CYP11A1: variants seen among roughly 807,000 people sequenced by gnomAD.
CYP11A1 encodes cytochrome P450 family 11 subfamily A member 1.
CYP11A1 carries 25 observed loss-of-function variants against 51.9 expected under a neutral mutation model. The ratio of observed to expected loss-of-function variants is 0.48; its 90% CI spans 0.35 to 0.67. The LOEUF is 0.67. CYP11A1 is among the 30% of genes least tolerant of loss of function. CYP11A1 has a pLI of 0.00. For missense variants in CYP11A1, 578 were observed against 680.9 expected, an observed-to-expected ratio of 0.85 and a Z score of 1.68; for synonymous variants, 245 against 262.1, an observed-to-expected ratio of 0.93 and a Z score of 0.63.
At chr15:74,342,146 G>A (rs1040782531) in intron 5 of CYP11A1, among the ~76,000 whole-genome samples, 11 of 152,062 alleles carry the variant, frequency 7.2e-5, no homozygotes, top group East Asian at 1.9e-4. Flanking sequence ...GCAGTGGTGC[G>A]ATCTCGGCTC....
intron 1 of CYP11A1, among the ~76,000 whole-genome samples, chr15:74,349,817 C>T (rs142793947): frequency 1.0e-3 from 157 of 152,208 alleles, no homozygotes; most frequent in African/African-American, 3.7e-3. Context: ...CAGTGGCTCA[C>T]ACCTGTAATC....
chr15:74,345,779 A>G lies in CYP11A1; in HGVS notation c.426-536T>C, dbSNP rs537298206. Among the ~76,000 whole-genome samples the G allele has an allele frequency of 3.3e-5, 5 of 152,258 alleles. No homozygotes were observed. The highest frequency in any genetic ancestry group is 1.2e-4 in the African/African-American group (5 of 41,538). ...GGTTGGTCATAATAAACCTTAATTC[A>G]TGCACACTCTTGAAATTCATCAATC... On this transcript the variant is annotated intron_variant, in intron 2 of 8. Transcript: ENST00000268053. The surrounding 1 kb of genome is among the most constrained non-coding windows in gnomAD (Gnocchi z 4.3).
chr15:74,366,277 A>ATT (rs759681873), intron 1 of CYP11A1: 9,595 of 768,098 alleles, frequency 0.012, 2 homozygotes, highest in Middle Eastern at 0.02. Flanking sequence ...CCCTCCCCCG[A>ATT]TTTTTTTTTT....
At chr15:74,357,148 C>T (rs140396463) in intron 1 of CYP11A1, among the ~76,000 whole-genome samples, 3,331 of 152,272 alleles carry the variant, frequency 0.022, 89 homozygotes, top group African/African-American at 0.066. Flanking sequence ...ATACCTCCCT[C>T]CACAACCCAT....
At chr15:74,358,989 CAAGT>C (rs1266330252) in intron 1 of CYP11A1, among the ~76,000 whole-genome samples, 4 of 152,188 alleles carry the variant, frequency 2.6e-5, no homozygotes, top group African/African-American at 9.7e-5. Context: ...ACCAACCAAA[CAAGT>C]AATTACACTG....
At chr15:74,367,074 C>G (rs2060736643) in intron 1 of CYP11A1, 2 of 565,770 alleles carry the variant, frequency 3.5e-6, no homozygotes, top group Non-Finnish European at 6.3e-6. Flanking sequence ...GGTCTTGCCA[C>G]CAATTGTTTC....
chr15:74,339,518 T>A, intron 6 of CYP11A1, 69 bp downstream of exon 6: 1 of 1,585,108 alleles, frequency 6.3e-7, no homozygotes, highest in Non-Finnish European at 8.6e-7. Context: ...CGTAACCCTT[T>A]CCCCGGGCAC....
rs530102538 is a variant in CYP11A1 at position 74,339,141 on chromosome 15, C to A, written c.1236+96G>T. 9.7e-6 allele frequency: 10 copies of A among 1,030,514 alleles called. No homozygotes were observed. In the South Asian group the frequency reaches 1.2e-4, roughly 12 times the overall value. 63.8% of individuals were successfully genotyped at this position (1,030,514 alleles called of 1,614,324 possible). A position where few individuals can be genotyped will look rare whatever the true frequency, so the allele number is the denominator to read the frequency against. ...AGACTTAGACTGCTGCCATCAAGGG[C>A]CCCACCAGGGCCCCAGTGCCACCCT... is the stretch of plus-strand genomic sequence containing the variant. On this transcript the variant is annotated intron_variant, in intron 7 of 8. Transcript: ENST00000268053.
chr15:74,361,764 G>A, intron 1 of CYP11A1: 1 of 1,249,582 alleles, frequency 8.0e-7, no homozygotes, highest in Non-Finnish European at 1.2e-6. Flanking sequence ...ATGCCATAAT[G>A]GCACTGGTGG....
Position 74,338,665 on chromosome 15 carries a change from ATGTTCT to A in CYP11A1, c.1334_1339del (p.Lys445_Asn446del). On this transcript the variant is annotated inframe_deletion, in exon 8 of 9. Transcript: ENST00000268053. ...AAAGCCCAAGTTCCGGAAGTAGGTG[ATGTTCT>A]TGTCTTTGCTCAGCCATCGGGTTGG... 1 of 1,614,108 alleles carries A rather than the reference ATGTTCT, an allele frequency of 6.2e-7. No individual in the cohort carries two copies. Among genetic ancestry groups the A allele is most frequent in the Non-Finnish European group, 8.5e-7 (1 of 1,180,002 alleles).
chr15:74,344,119 C>T, intron 3 of CYP11A1, 127 bp from the exon 4 acceptor site: 1 of 749,890 alleles, frequency 1.3e-6, no homozygotes, highest in Non-Finnish European at 2.2e-6. Flanking sequence ...CCTCAGCCTC[C>T]TTCAGTAAAT....
chr15:74,356,110 C>T (rs933358805), intron 1 of CYP11A1, among the ~76,000 whole-genome samples: 1 of 152,258 alleles, frequency 6.6e-6, no homozygotes, highest in Non-Finnish European at 1.5e-5. Flanking sequence ...TGAGACAAAA[C>T]CCAGCCGCAT....
At chr15:74,338,296 C>G (rs1243112638) in intron 8 of CYP11A1, 193 bp from the exon 9 acceptor site, 1 of 738,102 alleles carries the variant, frequency 1.4e-6, no homozygotes, top group Non-Finnish European at 2.3e-6. Flanking sequence ...TGATTTAGGC[C>G]TAGACCTTAA....
rs2060620374 is a variant in CYP11A1 at position 74,343,898 on chromosome 15, C to T, written c.720G>A (p.Met240Ile). 1 of 1,614,002 alleles carries T rather than the reference C, an allele frequency of 6.2e-7. No homozygotes were observed. Among genetic ancestry groups the T allele is most frequent in the African/African-American group, 1.3e-5 (1 of 74,936 alleles). Residue 240 changes from methionine to isoleucine, a missense_variant, in exon 4 of 9, where the codon ATG (methionine) becomes ATA (isoleucine). Transcript: ENST00000268053. ...AQRFIDAIYQ[M>I]FHTSVPMLNL... Reference sequence around the variant, plus strand: ...TGAGCATGGGGACGCTGGTGTGGAACATCTGGTAGATGGCATCAATGAATC... The same window carrying T: ...TGAGCATGGGGACGCTGGTGTGGAATATCTGGTAGATGGCATCAATGAATC...
chr15:74,360,135 G>A (rs1236694215), intron 1 of CYP11A1, among the ~76,000 whole-genome samples: 1 of 152,150 alleles, frequency 6.6e-6, no homozygotes, highest in Non-Finnish European at 1.5e-5. Context: ...AACATCATAA[G>A]CTACTCCTTT....
At chr15:74,352,247 A>G (rs1326147017) in intron 1 of CYP11A1, among the ~76,000 whole-genome samples, 1 of 133,748 alleles carries the variant, frequency 7.5e-6, no homozygotes, top group Non-Finnish European at 1.6e-5. Flanking sequence ...TTTGAATTTT[A>G]TGTTTGTCTT....
At chr15:74,342,945 G>C in intron 5 of CYP11A1, 32 bp downstream of exon 5, 1 of 1,610,964 alleles carries the variant, frequency 6.2e-7, no homozygotes, top group Non-Finnish European at 8.5e-7. Context: ...GGCACAGGGG[G>C]CAACAAGGTG....
At position 74,343,851 on chromosome 15, in the gene CYP11A1, C is replaced by G. The variant is rs531719978; in HGVS notation, c.767G>C (p.Arg256Pro). ...CTTCCAGGTCTTGGTCCTGAACAGA[C>G]GGAACAGGTCTGGGGGAAGGTTGAG... is the stretch of plus-strand genomic sequence containing the variant. ...PMLNLPPDLF[R>P]LFRTKTWKDH... Residue 256 changes from arginine (R) to proline (P), a missense_variant, in exon 4 of 9, where the codon CGT becomes CCT. By Grantham distance (103) the Arg-to-Pro change is moderately radical. Transcript: ENST00000268053. 1 of 1,613,788 alleles carries G rather than the reference C, an allele frequency of 6.2e-7. No homozygotes were observed. The highest frequency in any genetic ancestry group is 1.3e-5 in the African/African-American group (1 of 75,036).
intron 5 of CYP11A1, among the ~76,000 whole-genome samples, chr15:74,341,876 A>T (rs1480559104): frequency 6.6e-6 from 1 of 152,248 alleles, no homozygotes; most frequent in Non-Finnish European, 1.5e-5. Flanking sequence ...TGTGAGACAG[A>T]GGGAGAAGAC....
Sources: allele counts gnomAD v4.1 joint callset (sites outside exome capture counted in the v4.1 genomes callset), GRCh38; gene constraint gnomAD v4.1.1; non-coding constraint Gnocchi (gnomAD v3.1); transcripts MANE v1.5; gene names NCBI Gene and HGNC (gene_info 2026-07-23, HGNC 2026-07-21).